The following PCDHA5 variants were observed in gnomAD, a reference collection of about 807,000 sequenced individuals.
The protein encoded by PCDHA5 is protocadherin alpha-5.
Under a neutral mutation model 61.6 loss-of-function variants are expected in PCDHA5, and 43 were observed. The ratio of observed to expected loss-of-function variants is 0.70; its 90% CI spans 0.55 to 0.90. The LOEUF (loss-of-function observed/expected upper bound fraction) is 0.90, where lower values mean the gene tolerates loss of function less well. Ranked by LOEUF, PCDHA5 falls within the 40% of genes least tolerant of loss-of-function variation. The probability of loss-of-function intolerance (pLI) is 0.00; values close to 1 mark genes in which losing one functional copy is unlikely to be tolerated. For missense variants in PCDHA5, 1,298 were observed against 1,222.7 expected, an observed-to-expected ratio of 1.06 and a Z score of -0.92; for synonymous variants, 627 against 543.9, an observed-to-expected ratio of 1.15 and a Z score of -2.13.
chr5:140,898,358 A>T (rs2153460143), intron 1 of PCDHA5, among the ~76,000 whole-genome samples: 1 of 152,260 alleles, frequency 6.6e-6, no homozygotes, highest in Non-Finnish European at 1.5e-5. Flanking sequence ...TCTTGAATTA[A>T]TTTTTGTATA....
chr5:140,969,061 T>C (rs782313439), intron 1 of PCDHA5: 25 of 1,614,070 alleles, frequency 1.5e-5, no homozygotes, highest in Non-Finnish European at 4.2e-6. Flanking sequence ...ACAATATTGA[T>C]GCCAGGATAC....
chr5:140,907,789 G>A (rs187759241), intron 1 of PCDHA5, among the ~76,000 whole-genome samples: 1 of 152,330 alleles, frequency 6.6e-6, no homozygotes, highest in Non-Finnish European at 1.5e-5. Flanking sequence ...GCTGGGGAAA[G>A]AGGCTAAGTG....
rs1554128163 is a variant in PCDHA5, at chr5:140,821,729, A to G, written c.-47A>G. The G allele has an allele frequency of 1.3e-6, 2 of 1,520,058 alleles. No homozygotes were observed. The highest frequency in any genetic ancestry group is 1.8e-6 in the Non-Finnish European group (2 of 1,127,342). The allele number at this position is 1,520,058 out of a possible 1,614,324, so 94.2% of individuals were successfully genotyped here. ...ATTGGGAATTGAATTTACAAAATAC[A>G]TTGTGTGGTGATGCAATAGAAAGCT... On this transcript the variant is annotated 5_prime_UTR_variant, in exon 1 of 4. Transcript: ENST00000529859.
intron 1 of PCDHA5, chr5:140,870,549 C>T: frequency 2.5e-6 from 4 of 1,614,062 alleles, no homozygotes; most frequent in Non-Finnish European, 3.4e-6. Context: ...GGGACGCGGA[C>T]GCGCAGGAGA....
chr5:140,944,334 C>T (rs547924304), intron 1 of PCDHA5, among the ~76,000 whole-genome samples: 131 of 152,138 alleles, frequency 8.6e-4, no homozygotes, highest in African/African-American at 3.0e-3. Flanking sequence ...ATTACAAGCA[C>T]GTGCCACCAC....
Position 140,974,863 on chromosome 5 carries a change from G to A in PCDHA5, c.2353-4086G>A, listed in dbSNP as rs559374442. On this transcript the variant is annotated intron_variant, in intron 1 of 3. Coordinates refer to ENST00000529859, the MANE Select transcript of PCDHA5 (RefSeq NM_018908.3). ...ATGTTATATTCCCTTTTGCCTTAAT[G>A]CGGAACAGTCTATGTATCCCTTTTC... Among the ~76,000 whole-genome samples, 14 of 152,198 alleles carry A rather than the reference G, an allele frequency of 9.2e-5. No homozygotes were observed. The South Asian group carries it at 2.9e-3, about 32-fold the overall frequency.
intron 1 of PCDHA5, among the ~76,000 whole-genome samples, chr5:140,964,239 GTTGGC>G (rs2095819198): frequency 6.6e-6 from 1 of 152,180 alleles, no homozygotes; most frequent in African/African-American, 2.4e-5. Context: ...GGCTGATTGT[GTTGGC>G]TTTATATTTG....
intron 1 of PCDHA5, chr5:140,868,997 G>T: frequency 6.6e-7 from 1 of 1,517,542 alleles, no homozygotes; most frequent in Non-Finnish European, 8.8e-7. Flanking sequence ...ACCGTTTAAG[G>T]ATCCTTTGAA....
At chr5:140,951,170 A>G (rs62384503) in intron 1 of PCDHA5, among the ~76,000 whole-genome samples, 5,911 of 151,952 alleles carry the variant, frequency 0.039, 176 homozygotes, top group Non-Finnish European at 0.057. Flanking sequence ...TAGCTACTTT[A>G]AAGTCATTGT....
chr5:140,871,722 A>G (rs1354844618), intron 1 of PCDHA5: 1 of 760,470 alleles, frequency 1.3e-6, no homozygotes, highest in Non-Finnish European at 2.0e-6. Context: ...ATTTCTCTTA[A>G]TATTTGGTTA....
rs182605806 is a variant in PCDHA5 at position 140,924,980 on chromosome 5, T to C, written c.2353-53969T>C. On this transcript the variant is annotated intron_variant, in intron 1 of 3. Transcript: ENST00000529859. ...TGCAAGGTGAGTGCAGTGGCTCATG[T>C]CTGTAATCCTAGCACTTTAGGAGGC... is the stretch of plus-strand genomic sequence containing the variant. Among the ~76,000 whole-genome samples, 408 of 150,900 alleles carry C rather than the reference T, an allele frequency of 2.7e-3. 2 individuals are homozygous for C. The highest frequency in any genetic ancestry group is 0.014 in the Middle Eastern group (4 of 288).
intron 1 of PCDHA5, chr5:140,828,564 C>T: frequency 6.2e-7 from 1 of 1,614,226 alleles, no homozygotes. Flanking sequence ...GAGGGCGCGT[C>T]CGATGCAGAT....
chr5:140,966,313 C>G, intron 1 of PCDHA5: 1 of 386,824 alleles, frequency 2.6e-6, no homozygotes. Flanking sequence ...CGTGTTCCTG[C>G]GGTCCGCTGG....
rs565339027 is a variant in PCDHA5, at chr5:141,010,492, C to G, written c.*555C>G. ...AGGGGAAGTGTAAACTTAAAGGGAC[C>G]AGACTTTCTAAATCTTACAACTCAA... On this transcript the variant is annotated 3_prime_UTR_variant, in exon 4 of 4. Transcript: ENST00000529859. 28 of 628,626 alleles carry G rather than the reference C, an allele frequency of 4.5e-5. No homozygotes were observed. Among genetic ancestry groups the G allele is most frequent in the Admixed American group, 1.7e-4 (5 of 29,282 alleles). 38.9% of individuals were successfully genotyped at this position (628,626 alleles called of 1,614,324 possible).
intron 1 of PCDHA5, chr5:140,858,104 G>T: frequency 6.3e-7 from 1 of 1,597,736 alleles, no homozygotes; most frequent in Non-Finnish European, 8.6e-7. Context: ...AGTGGGCGTG[G>T]CGCCCGAGGT....
intron 1 of PCDHA5, among the ~76,000 whole-genome samples, chr5:140,943,064 C>T (rs1352675515): frequency 1.3e-5 from 2 of 151,818 alleles, no homozygotes; most frequent in African/African-American, 4.8e-5. Context: ...CAAGAACAGC[C>T]TGACCAACAT....
At chr5:140,911,866 T>A (rs139180139) in intron 1 of PCDHA5, among the ~76,000 whole-genome samples, 31 of 152,320 alleles carry the variant, frequency 2.0e-4, no homozygotes, top group Non-Finnish European at 4.3e-4. Context: ...TCTGTTCTTC[T>A]GGAACCACTC....
Position 140,843,176 on chromosome 5 carries a change from C to A in PCDHA5, c.2352+19049C>A, listed in dbSNP as rs145175505. 1.9e-6 allele frequency: 3 copies of A among 1,596,084 alleles called. 1 individual carries two copies. The highest frequency in any genetic ancestry group is 2.6e-6 in the Non-Finnish European group (3 of 1,165,610). On this transcript the variant is annotated intron_variant, in intron 1 of 3. Transcript: ENST00000529859. ...GCTGCAGCCAGCTGCAAGCAGCCCT[C>A]GCATCCCGTTCCGCGTGGGGCTGTA...
At chr5:140,837,628 CCTTCCTTT>C (rs1289092091) in intron 1 of PCDHA5, among the ~76,000 whole-genome samples, 3 of 149,330 alleles carry the variant, frequency 2.0e-5, no homozygotes, top group African/African-American at 7.7e-5. Context: ...TTCCTTCCTT[CCTTCCTTT>C]CTTTCTTTCT....
Sources: gnomAD v4.1 joint callset for allele counts (sites outside exome capture counted in the v4.1 genomes callset) on GRCh38, gnomAD v4.1.1 for gene constraint, MANE v1.5 for transcripts, NCBI Gene and HGNC (gene_info 2026-07-23, HGNC 2026-07-21) for gene names.